The following RERE variants were observed in gnomAD, a reference collection of about 807,000 sequenced individuals.
RERE encodes the protein arginine-glutamic acid dipeptide repeats protein.
RERE carries 40 observed loss-of-function variants against 146.1 expected under a neutral mutation model. That is an observed-to-expected ratio of 0.27 (90% confidence interval 0.21 to 0.36). RERE has a LOEUF of 0.36. RERE is among the 10% of genes least tolerant of loss of function. The probability of loss-of-function intolerance (pLI) is 1.00; values close to 1 mark genes in which losing one functional copy is unlikely to be tolerated. For missense variants in RERE, 1,933 were observed against 2,138.7 expected, an observed-to-expected ratio of 0.90 and a Z score of 1.90; for synonymous variants, 1,003 against 866.0, an observed-to-expected ratio of 1.16 and a Z score of -2.78.
At chr1:8,644,819 G>T (rs1264346934) in intron 2 of RERE, among the ~76,000 whole-genome samples, 3 of 152,130 alleles carry the variant, frequency 2.0e-5, no homozygotes, top group Non-Finnish European at 4.4e-5. Context: ...TTGGCAACAG[G>T]AGAGCTATAA....
At chr1:8,410,090 T>C (rs1451945848) in intron 12 of RERE, among the ~76,000 whole-genome samples, 1 of 150,924 alleles carries the variant, frequency 6.6e-6, no homozygotes, top group Admixed American at 6.6e-5. Context: ...ACAACCTATA[T>C]GTGACTTTAT....
At chr1:8,498,711 A>AAAAT (rs1645080958) in intron 8 of RERE, among the ~76,000 whole-genome samples, 2 of 119,390 alleles carry the variant, frequency 1.7e-5, no homozygotes, top group Non-Finnish European at 3.2e-5. Flanking sequence ...AAAAAAAAAT[A>AAAAT]AAAAAAAAAA....
intron 8 of RERE, among the ~76,000 whole-genome samples, chr1:8,507,499 C>G (rs904792672): frequency 6.6e-6 from 1 of 152,136 alleles, no homozygotes; most frequent in Non-Finnish European, 1.5e-5. Context: ...CCTCCGCCCC[C>G]TGGGTTCAAG....
intron 8 of RERE, among the ~76,000 whole-genome samples, chr1:8,499,986 G>A (rs1331820679): frequency 2.6e-5 from 4 of 152,332 alleles, no homozygotes; most frequent in South Asian, 2.1e-4. Context: ...CAGGCGTGGT[G>A]GCACACGCCT....
In RERE at chr1:8,520,779, A is replaced by G. The variant is rs573994428; in HGVS notation, c.831-12104T>C. 6.3e-3 allele frequency among the ~76,000 whole-genome samples: 937 copies of G among 147,958 alleles called. 6 individuals carry two copies. The highest frequency in any genetic ancestry group is 0.011 in the Admixed American group (167 of 14,846). ...TAAAAAAAAAAAAAAAAAAAAAACC[A>G]CTATGACCGAAACCCACTTACAAAG... On this transcript the variant is annotated intron_variant, in intron 7 of 22. Coordinates refer to ENST00000400908, the MANE Select transcript of RERE (RefSeq NM_001042681.2).
At chr1:8,702,676 TC>T (rs1427929117) in intron 1 of RERE, among the ~76,000 whole-genome samples, 1 of 152,184 alleles carries the variant, frequency 6.6e-6, no homozygotes, top group East Asian at 1.9e-4. Flanking sequence ...AAGAGCGACT[TC>T]TGCATTATAC....
At chr1:8,418,356 C>A (rs1048732466) in intron 12 of RERE, among the ~76,000 whole-genome samples, 5 of 152,172 alleles carry the variant, frequency 3.3e-5, no homozygotes, top group African/African-American at 1.2e-4. Flanking sequence ...AGAAAGACAG[C>A]CAAAGCATGT....
intron 13 of RERE, among the ~76,000 whole-genome samples, chr1:8,365,404 G>A (rs1641765915): frequency 6.6e-6 from 1 of 152,114 alleles, no homozygotes; most frequent in African/African-American, 2.4e-5. Flanking sequence ...GAAGCAGGAG[G>A]AAAAAGAAGA....
intron 7 of RERE, among the ~76,000 whole-genome samples, chr1:8,534,265 C>T (rs933361767): frequency 6.6e-6 from 1 of 151,772 alleles, no homozygotes; most frequent in Non-Finnish European, 1.5e-5. Context: ...GGTCACAGAG[C>T]AAAGTGACAG....
intron 1 of RERE, among the ~76,000 whole-genome samples, chr1:8,705,190 C>T (rs1250086470): frequency 6.6e-6 from 1 of 152,190 alleles, no homozygotes; most frequent in Non-Finnish European, 1.5e-5. Flanking sequence ...AAGCAAACCG[C>T]TCTATTCTGA....
At chr1:8,703,342 C>T (rs1440406718) in intron 1 of RERE, 1 of 151,216 alleles carries the variant, frequency 6.6e-6, no homozygotes, top group Non-Finnish European at 1.5e-5. Flanking sequence ...TGCCCACGGC[C>T]GCGGCACTCA....
In RERE at chr1:8,785,020, C is replaced by T. The variant is rs1641235006; in HGVS notation, c.-145+32140G>A. ...GTTCCACACAGCTCAAGAACATGAT[C>T]CAATGCTCCACCTAGGTAAAATCCT... On this transcript the variant is annotated intron_variant, in intron 1 of 22. Transcript: ENST00000400908. 2.6e-5 allele frequency among the ~76,000 whole-genome samples: 4 copies of T among 152,294 alleles called. 1 individual carries two copies. In the South Asian group the frequency reaches 8.3e-4, roughly 32 times the overall value.
At chr1:8,495,282 G>A (rs1645030793) in intron 9 of RERE, 120 bp from the exon 10 acceptor site, 1 of 670,668 alleles carries the variant, frequency 1.5e-6, no homozygotes, top group Non-Finnish European at 2.6e-6. Context: ...CACGCATGAT[G>A]AACCAGTTCC....
chr1:8,444,373 T>C (rs931194483), intron 11 of RERE, among the ~76,000 whole-genome samples: 1 of 152,246 alleles, frequency 6.6e-6, no homozygotes, highest in Non-Finnish European at 1.5e-5. Context: ...CATTGTATCT[T>C]GGAAGTAAAT....
At chr1:8,770,082 G>A (rs546576476) in intron 1 of RERE, among the ~76,000 whole-genome samples, 2 of 152,066 alleles carry the variant, frequency 1.3e-5, no homozygotes, top group Non-Finnish European at 1.5e-5. Context: ...GAGCCACCGC[G>A]CCCGGCCAAC....
At position 8,750,568 on chromosome 1, in the gene RERE, G is replaced by A. The variant is rs1640512476; in HGVS notation, c.-145+66592C>T. ...AAAACATGCTTTGAAAGGCAAGGAA[G>A]AAGCTTATTTATGAAAAAGCAAAGC... On this transcript the variant is annotated intron_variant, in intron 1 of 22. Transcript: ENST00000400908. 8 of 1,002,080 alleles carry A rather than the reference G, an allele frequency of 8.0e-6. No homozygotes were observed. In the Admixed American group the frequency reaches 1.3e-4, roughly 17 times the overall value. 62.1% of individuals were successfully genotyped at this position (1,002,080 alleles called of 1,614,324 possible).
chr1:8,529,963 C>T (rs1161112815), intron 7 of RERE, among the ~76,000 whole-genome samples: 1 of 152,162 alleles, frequency 6.6e-6, no homozygotes, highest in Admixed American at 6.5e-5. Context: ...GCCTTGTTTT[C>T]TCTCCTAGTT....
At chr1:8,355,144 G>A (rs1021965013) in intron 22 of RERE, 24 bp from the exon 23 acceptor site, 1 of 1,612,832 alleles carries the variant, frequency 6.2e-7, no homozygotes, top group Non-Finnish European at 8.5e-7. Flanking sequence ...ACAGGAAAGC[G>A]TATTTAGTCT....
chr1:8,546,007 T>G (rs1645856746), intron 6 of RERE, among the ~76,000 whole-genome samples: 1 of 126,824 alleles, frequency 7.9e-6, no homozygotes, highest in Non-Finnish European at 1.7e-5. Flanking sequence ...TTTTTTTTTT[T>G]GAGATAGGGT....
Sources: gnomAD v4.1 joint callset for allele counts (sites outside exome capture counted in the v4.1 genomes callset) on GRCh38, gnomAD v4.1.1 for gene constraint, MANE v1.5 for transcripts, NCBI Gene and HGNC (gene_info 2026-07-23, HGNC 2026-07-21) for gene names.